The following OSBPL3 variants were observed in gnomAD, a reference collection of about 807,000 sequenced individuals.
The protein encoded by OSBPL3 is oxysterol-binding protein-related protein 3.
In OSBPL3, 65 loss-of-function variants were observed where a neutral mutation model predicts 120.1. That is an observed-to-expected ratio of 0.54 (90% CI 0.44 to 0.67). The LOEUF (loss-of-function observed/expected upper bound fraction) is 0.67, where lower values mean the gene tolerates loss of function less well. Ranked by LOEUF, OSBPL3 falls within the 30% of genes least tolerant of loss-of-function variation. OSBPL3 has a pLI of 0.00. For missense variants in OSBPL3, 1,004 were observed against 1,082.1 expected, an observed-to-expected ratio of 0.93 and a Z score of 1.01; for synonymous variants, 416 against 402.6, an observed-to-expected ratio of 1.03 and a Z score of -0.40.
chr7:24,828,606 G>GAAAAAAAAAAAA lies in OSBPL3; in HGVS notation c.1884+2150_1884+2161dup, dbSNP rs1190652256. 1.4e-3 allele frequency among the ~76,000 whole-genome samples: 45 copies of GAAAAAAAAAAAA among 32,540 alleles called. 5 individuals carry two copies. Among genetic ancestry groups the GAAAAAAAAAAAA allele is most frequent in the Non-Finnish European group, 2.0e-3 (38 of 19,034 alleles). The allele number at this position is 32,540 out of a possible 152,430, so 21.3% of individuals were successfully genotyped here. On this transcript the variant is annotated intron_variant, in intron 16 of 22. Transcript: ENST00000313367. ...TGGGCGACAAAGTGAGACTCTGTCTGAAAAAAAAAAAAAAAGAAAAAAAAA... is the reference window on the plus strand; with the variant it reads ...TGGGCGACAAAGTGAGACTCTGTCTGAAAAAAAAAAAAAAAAAAAAAAAAAAAGAAAAAAAAA...
rs745931419 is a variant in OSBPL3, at chr7:24,834,368, C to A, written c.1746+118G>T. ...CAGCTCTGAGTAATGAACCTGTTTA[C>A]GGAACAATCAAAATGAAACCGGAGG... On this transcript the variant is annotated intron_variant, in intron 15 of 22. Transcript: ENST00000313367. This position sits in a 1 kb window ranked among gnomAD's most constrained non-coding sequence, Gnocchi z 5.2. The A allele has an allele frequency of 2.6e-6, 4 of 1,513,958 alleles. No homozygotes were observed. The highest frequency in any genetic ancestry group is 3.5e-6 in the Non-Finnish European group (4 of 1,132,130). 93.8% of individuals were successfully genotyped at this position (1,513,958 alleles called of 1,614,324 possible).
chr7:24,854,629 T>C lies in OSBPL3; in HGVS notation c.1028-1995A>G, dbSNP rs1799611639. ...ACGACGCCTATGAAACACACTTAGCTCCTTGCTTTAAACAATTTAATTGAG... is the reference window on the plus strand; with the variant it reads ...ACGACGCCTATGAAACACACTTAGCCCCTTGCTTTAAACAATTTAATTGAG... On this transcript the variant is annotated intron_variant, in intron 10 of 22. Transcript: ENST00000313367. The surrounding 1 kb of genome is among the most constrained non-coding windows in gnomAD (Gnocchi z 4.1). Among the ~76,000 whole-genome samples, 1 of 151,932 alleles carries C rather than the reference T, an allele frequency of 6.6e-6. No homozygotes were observed. Among genetic ancestry groups the C allele is most frequent in the Admixed American group, 6.6e-5 (1 of 15,248 alleles).
intron 1 of OSBPL3, among the ~76,000 whole-genome samples, chr7:24,979,291 A>AC (rs202080404): frequency 0.034 from 5,093 of 150,730 alleles, 138 homozygotes; most frequent in Middle Eastern, 0.059. Context: ...GAAACTAACA[A>AC]AAAAAAAAAA....
At position 24,959,539 on chromosome 7, in the gene OSBPL3, T is replaced by C. The variant is rs941627361; in HGVS notation, c.-150+20347A>G. On this transcript the variant is annotated intron_variant, in intron 1 of 22. Transcript: ENST00000313367. This position sits in a 1 kb window ranked among gnomAD's most constrained non-coding sequence, Gnocchi z 4.3. ...TACAAATCAGGATGGAAATTACCCA[T>C]TGCGGGTAGGGATAGCGACTTCGGA... is the stretch of plus-strand genomic sequence containing the variant. Among the ~76,000 whole-genome samples, 3 of 152,176 alleles carry C rather than the reference T, an allele frequency of 2.0e-5. No individual in the cohort carries two copies. The highest frequency in any genetic ancestry group is 7.2e-5 in the African/African-American group (3 of 41,454).
At chr7:24,890,817 C>T (rs1037331363) in intron 2 of OSBPL3, among the ~76,000 whole-genome samples, 1 of 152,194 alleles carries the variant, frequency 6.6e-6, no homozygotes, top group Non-Finnish European at 1.5e-5. Flanking sequence ...AGGCATCAAG[C>T]ACATTCCTCT....
rs906818039 is a variant in OSBPL3 at position 24,936,549 on chromosome 7, C to T, written c.-150+43337G>A. On this transcript the variant is annotated intron_variant, in intron 1 of 22. Coordinates refer to ENST00000313367, the MANE Select transcript of OSBPL3 (RefSeq NM_015550.4). The surrounding 1 kb of genome is among the most constrained non-coding windows in gnomAD (Gnocchi z 4.2). ...GTCTAGGAGTGGGAAAGCAGAATGA[C>T]TCTGAGAAAGGAAGGACCCTAGCTG... is the stretch of plus-strand genomic sequence containing the variant. Among the ~76,000 whole-genome samples the T allele has an allele frequency of 6.6e-6, 1 of 152,178 alleles. No individual in the cohort carries two copies. The highest frequency in any genetic ancestry group is 2.4e-5 in the African/African-American group (1 of 41,440).
intron 1 of OSBPL3, among the ~76,000 whole-genome samples, chr7:24,943,163 C>T (rs935617990): frequency 2.0e-5 from 3 of 152,298 alleles, no homozygotes; most frequent in Middle Eastern, 3.4e-3. Flanking sequence ...CTGTCTATGG[C>T]AGCCCAGGGG....
rs970132288 is a variant in OSBPL3, at chr7:24,872,660, C to T, written c.97-591G>A. On this transcript the variant is annotated intron_variant, in intron 2 of 22. Coordinates refer to ENST00000313367, the MANE Select transcript of OSBPL3 (RefSeq NM_015550.4). The surrounding 1 kb of genome is among the most constrained non-coding windows in gnomAD (Gnocchi z 4.1). ...AAGCATCAAAAGTATATTTTTGCAA[C>T]AAGAATTTTCACTTTTTTCCCAGAA... Among the ~76,000 whole-genome samples the T allele has an allele frequency of 2.0e-5, 3 of 152,104 alleles. No individual in the cohort carries two copies. Among genetic ancestry groups the T allele is most frequent in the African/African-American group, 7.2e-5 (3 of 41,424 alleles).
intron 1 of OSBPL3, 77 bp from the exon 2 acceptor site, chr7:24,892,698 G>T: frequency 9.2e-7 from 1 of 1,090,294 alleles, no homozygotes; most frequent in Non-Finnish European, 1.2e-6. Context: ...TCTGCAAGTG[G>T]CTTAAACATA....
chr7:24,892,498 ACAAT>A lies in OSBPL3; in HGVS notation c.-30_-27del. 1 of 1,606,668 alleles carries A rather than the reference ACAAT, an allele frequency of 6.2e-7. No individual in the cohort carries two copies. ...GGACAGCAAGTCACTTGGCCTCGAG[ACAAT>A]CAAAATGCCATCAGATGACAAGGGA... On this transcript the variant is annotated 5_prime_UTR_variant, in exon 2 of 23. An upstream open reading frame in the 5' UTR loses its in-frame stop. Transcript: ENST00000313367.
intron 1 of OSBPL3, among the ~76,000 whole-genome samples, chr7:24,924,322 T>C (rs1446993248): frequency 6.6e-6 from 1 of 152,184 alleles, no homozygotes; most frequent in African/African-American, 2.4e-5. Context: ...GCTAAGAGAT[T>C]TTTTCTTCCT....
rs1798812805 is a variant in OSBPL3 at position 24,849,123 on chromosome 7, C to T, written c.1212G>A (p.Glu404=). The T allele has an allele frequency of 1.2e-6, 2 of 1,614,078 alleles. No homozygotes were observed. The highest frequency in any genetic ancestry group is 2.7e-5 in the African/African-American group (2 of 75,050). ...CAGCGGGGGAGTCGAGGAGCAGAGA[C>T]TCGGCATGGATTCTGCGTAAGCGTT... ...LKERLRRIHA[E]SLLLDSPAVA... is the part of the protein sequence containing the mutation. Residue 404 remains glutamate, a synonymous_variant, in exon 12 of 23, where the codon GAG becomes GAA. Coordinates refer to ENST00000313367, the MANE Select transcript of OSBPL3 (RefSeq NM_015550.4). This position sits in a 1 kb window ranked among gnomAD's most constrained non-coding sequence, Gnocchi z 5.4.
chr7:24,819,791 T>C lies in OSBPL3; in HGVS notation c.1948+384A>G, dbSNP rs1794897966. 1.3e-5 allele frequency among the ~76,000 whole-genome samples: 2 copies of C among 152,050 alleles called. No individual in the cohort carries two copies. Among genetic ancestry groups the C allele is most frequent in the Admixed American group, 1.3e-4 (2 of 15,268 alleles). On this transcript the variant is annotated intron_variant, in intron 17 of 22. Transcript: ENST00000313367. This position sits in a 1 kb window ranked among gnomAD's most constrained non-coding sequence, Gnocchi z 4.1. The stretch of plus-strand genomic sequence containing the variant: ...AACTCAAAATATAAACTGAACAAAA[T>C]TTTAGGAACAATCATCTCAAAAATG...
chr7:24,870,542 C>T (rs1004988025), intron 5 of OSBPL3, among the ~76,000 whole-genome samples, 190 bp downstream of exon 5: 1 of 152,198 alleles, frequency 6.6e-6, no homozygotes, highest in Admixed American at 6.5e-5. Context: ...GCAGGCTAAA[C>T]CCTCAAGCAG....
At chr7:24,864,597 C>A (rs1446907144) in intron 7 of OSBPL3, among the ~76,000 whole-genome samples, 1 of 152,172 alleles carries the variant, frequency 6.6e-6, no homozygotes, top group Non-Finnish European at 1.5e-5. Context: ...AAGGCTGCCA[C>A]CTGGTATCTT....
chr7:24,842,893 T>C (rs544873731), intron 12 of OSBPL3, among the ~76,000 whole-genome samples: 41 of 152,356 alleles, frequency 2.7e-4, no homozygotes, highest in African/African-American at 9.9e-4. Context: ...CCTTGACAAA[T>C]ACACAGTGTG....
At chr7:24,979,427 C>A (rs1478148259) in intron 1 of OSBPL3, among the ~76,000 whole-genome samples, 2 of 152,110 alleles carry the variant, frequency 1.3e-5, no homozygotes, top group South Asian at 2.1e-4. Flanking sequence ...GAGCGGAGCG[C>A]CTGCCCCGCG....
rs753022280 is a variant in OSBPL3 at position 24,855,682 on chromosome 7, A to G, written c.1028-3048T>C. On this transcript the variant is annotated intron_variant, in intron 10 of 22. Transcript: ENST00000313367. This position sits in a 1 kb window ranked among gnomAD's most constrained non-coding sequence, Gnocchi z 4.3. The stretch of plus-strand genomic sequence containing the variant: ...AGGTTGCTCATGAGAGACCACATTT[A>G]TATTAATTGTTTAAGACACAGGATC... Among the ~76,000 whole-genome samples, 1 of 152,200 alleles carries G rather than the reference A, an allele frequency of 6.6e-6. No homozygotes were observed. Among genetic ancestry groups the G allele is most frequent in the Non-Finnish European group, 1.5e-5 (1 of 68,032 alleles).
At chr7:24,941,482 T>A (rs1336682360) in intron 1 of OSBPL3, among the ~76,000 whole-genome samples, 2 of 152,128 alleles carry the variant, frequency 1.3e-5, no homozygotes, top group Non-Finnish European at 2.9e-5. Context: ...TGTAGTGAGC[T>A]CTCCCCACTA....
Sources: gnomAD v4.1 joint callset for allele counts (sites outside exome capture counted in the v4.1 genomes callset) on GRCh38, gnomAD v4.1.1 for gene constraint, Gnocchi (gnomAD v3.1) non-coding constraint, MANE v1.5 for transcripts, NCBI Gene and HGNC (gene_info 2026-07-23, HGNC 2026-07-21) for gene names.